Variants in ESYT1 observed in about 807,000 individuals in gnomAD.
ESYT1 encodes extended synaptotagmin-1.
ESYT1 carries 116 observed loss-of-function variants against 154.2 expected under a neutral mutation model. The observed-to-expected ratio is 0.75, with a 90% CI of 0.65 to 0.88. The LOEUF (loss-of-function observed/expected upper bound fraction) is 0.88, where lower values mean the gene tolerates loss of function less well. ESYT1 is among the 40% of genes least tolerant of loss of function. The pLI is 0.00. For missense variants in ESYT1, 1,264 were observed against 1,379.3 expected (o/e 0.92, Z 1.32); for synonymous variants, 500 against 539.9 (o/e 0.93, Z 1.02).
In ESYT1 at chr12:56,128,605, G is replaced by A. The variant is rs565622890; in HGVS notation, c.286G>A (p.Asp96Asn). ...CTACCTGGGCTGGCGCCGGGTCCGCGACGAGAAAGAACGGAGCCTTCGAGC... is the reference window on the plus strand; with the variant it reads ...CTACCTGGGCTGGCGCCGGGTCCGCAACGAGAAAGAACGGAGCCTTCGAGC... ...ALYLGWRRVR[D>N]EKERSLRAAR... The change falls in exon 1 of 31, where the codon GAC becomes AAC. Residue 96 changes from aspartate (D) to asparagine (N), a missense_variant. Coordinates refer to ENST00000394048, the MANE Select transcript of ESYT1 (RefSeq NM_015292.3). 4.3e-6 allele frequency: 7 copies of A among 1,614,164 alleles called. No individual in the cohort carries two copies. In the Admixed American group the frequency reaches 5.0e-5, roughly 12 times the overall value.
At position 56,143,577 on chromosome 12, in the gene ESYT1, C is replaced by G; in HGVS notation, c.3226-3C>G. On this transcript the variant is annotated splice_region_variant and splice_polypyrimidine_tract_variant and intron_variant, in intron 29 of 30. Coordinates refer to ENST00000394048, the MANE Select transcript of ESYT1 (RefSeq NM_015292.3). ...ATCTTTCCCCTATCATCTTCCAACA[C>G]AGGTGCAGCTGGACCTAGCTGAGAC... The G allele has an allele frequency of 6.2e-7, 1 of 1,614,148 alleles. No individual in the cohort carries two copies. The highest frequency in any genetic ancestry group is 8.5e-7 in the Non-Finnish European group (1 of 1,180,026).
In ESYT1 at chr12:56,137,329, C is replaced by A. The variant is rs780550661; in HGVS notation, c.1894C>A (p.Pro632Thr). The A allele has an allele frequency of 6.2e-7, 1 of 1,614,098 alleles. No homozygotes were observed. The highest frequency in any genetic ancestry group is 8.5e-7 in the Non-Finnish European group (1 of 1,180,048). ...PQRGSSVDAP[P>T]RPCHTTPDSQ... ...GAGAGGCAGCAGTGTGGATGCCCCACCTCGACCCTGTCACACGACTCCTGA... is the reference window on the plus strand; with the variant it reads ...GAGAGGCAGCAGTGTGGATGCCCCAACTCGACCCTGTCACACGACTCCTGA... The change falls in exon 17 of 31, where the codon CCT becomes ACT. Residue 632 changes from proline to threonine, a missense_variant. Coordinates refer to ENST00000394048, the MANE Select transcript of ESYT1 (RefSeq NM_015292.3).
At position 56,130,564 on chromosome 12, in the gene ESYT1, T is replaced by A. The variant is rs779248887; in HGVS notation, c.391-18T>A. The stretch of plus-strand genomic sequence containing the variant: ...AGGGTGTGCTGCACGTCACTGTCTC[T>A]GCCTTCCCCACCTCCAGGTCAGCTT... On this transcript the variant is annotated intron_variant, in intron 1 of 30. Coordinates refer to ENST00000394048, the MANE Select transcript of ESYT1 (RefSeq NM_015292.3). 6.2e-7 allele frequency: 1 copy of A among 1,613,454 alleles called. No homozygotes were observed. The highest frequency in any genetic ancestry group is 2.2e-5 in the East Asian group (1 of 44,886).
intron 1 of ESYT1, 129 bp downstream of exon 1, chr12:56,128,838 T>C: frequency 1.7e-6 from 2 of 1,167,588 alleles, no homozygotes; most frequent in Non-Finnish European, 2.4e-6. Flanking sequence ...TTCCCCTCTC[T>C]CCCCGCTAGC....
rs1322417005 is a variant in ESYT1 at position 56,132,443 on chromosome 12, T to C, written c.1007T>C (p.Leu336Pro). 1.2e-6 allele frequency: 2 copies of C among 1,614,204 alleles called. No individual in the cohort carries two copies. Among genetic ancestry groups the C allele is most frequent in the Admixed American group, 3.3e-5 (2 of 60,024 alleles). The stretch of plus-strand genomic sequence containing the variant: ...CAGGGCATTATTCGAATTCACCTGC[T>C]GGCTGCTCGAGGGCTGAGTTCCAAG... ...LPRGIIRIHL[L>P]AARGLSSKDK... The change falls in exon 9 of 31, where the codon CTG becomes CCG. Residue 336 changes from leucine to proline, a missense_variant. By Grantham distance (98) the Leu-to-Pro change is moderately conservative. Transcript: ENST00000394048.
At chr12:56,129,770 C>A (rs188308765) in intron 1 of ESYT1, among the ~76,000 whole-genome samples, 7 of 152,080 alleles carry the variant, frequency 4.6e-5, no homozygotes, top group Admixed American at 1.3e-4. Flanking sequence ...TAGAGGAAAA[C>A]ACACACACAC....
rs1268830867 is a variant in ESYT1, at chr12:56,130,856, T to G, written c.498T>G (p.Ala166=). Residue 166 remains alanine (A), a synonymous_variant, in exon 3 of 31, where the codon GCT becomes GCG. Transcript: ENST00000394048. ...AGAAGCTTCTGGCTGAAACTGTGGC[T>G]CCGGCTGTTAGGGGATCTAACCCCC... ...YMEKLLAETV[A]PAVRGSNPHL... is the part of the protein sequence containing the mutation. The G allele has an allele frequency of 6.2e-7, 1 of 1,614,052 alleles. No individual in the cohort carries two copies. The highest frequency in any genetic ancestry group is 8.5e-7 in the Non-Finnish European group (1 of 1,180,048).
rs1400299695 is a variant in ESYT1 at position 56,137,484 on chromosome 12, C to A, written c.1939-15C>A. 1 of 1,609,998 alleles carries A rather than the reference C, an allele frequency of 6.2e-7. No homozygotes were observed. The highest frequency in any genetic ancestry group is 1.1e-5 in the South Asian group (1 of 90,834). On this transcript the variant is annotated splice_polypyrimidine_tract_variant and intron_variant, in intron 17 of 30. Coordinates refer to ENST00000394048, the MANE Select transcript of ESYT1 (RefSeq NM_015292.3). ...TCTCCCTTTGCCATCTGGCACCCCC[C>A]CGTCCCTTTTGCAGCATGTGCTTCG...
At chr12:56,140,643 G>A (rs763473557) in intron 24 of ESYT1, among the ~76,000 whole-genome samples, 3 of 152,188 alleles carry the variant, frequency 2.0e-5, no homozygotes, top group East Asian at 1.9e-4. Context: ...AATTACAGGC[G>A]TCAGCCACCA....
chr12:56,133,614 C>T lies in ESYT1; in HGVS notation c.1320C>T (p.Gly440=). The change falls in exon 12 of 31, where the codon GGC becomes GGT. Residue 440 remains glycine, a synonymous_variant. Transcript: ENST00000394048. ...DDWFPLQGGQ[G]QVHLRLEWLS... is the part of the protein sequence containing the mutation. ...GGTTCCCTCTACAAGGTGGGCAAGG[C>T]CAAGTTCACTTGAGGCTAGAATGGC... 1.2e-6 allele frequency: 2 copies of T among 1,614,184 alleles called. No homozygotes were observed. Among genetic ancestry groups the T allele is most frequent in the Middle Eastern group, 1.6e-4 (1 of 6,062 alleles).
In ESYT1 at chr12:56,128,417, A is replaced by G; in HGVS notation, c.98A>G (p.Lys33Arg). 1 of 1,612,426 alleles carries G rather than the reference A, an allele frequency of 6.2e-7. No individual in the cohort carries two copies. The highest frequency in any genetic ancestry group is 8.5e-7 in the Non-Finnish European group (1 of 1,179,222). ...PTDQPPAAHA[K>R]PDPGSGGQPA... ...GACCAGCCCCCCGCTGCTCACGCAA[A>G]GCCAGACCCAGGTTCTGGGGGCCAA... Residue 33 changes from lysine to arginine, a missense_variant, in exon 1 of 31, where the codon AAG becomes AGG. Coordinates refer to ENST00000394048, the MANE Select transcript of ESYT1 (RefSeq NM_015292.3).
Position 56,140,732 on chromosome 12 carries a change from A to C in ESYT1, c.2593-1553A>C, listed in dbSNP as rs369005142. ...GGGAAGATCATAGGGATAAGAGGGT[A>C]AAGAATGGACTGGAGAGGGACAACA... is the stretch of plus-strand genomic sequence containing the variant. On this transcript the variant is annotated intron_variant, in intron 24 of 30. Coordinates refer to ENST00000394048, the MANE Select transcript of ESYT1 (RefSeq NM_015292.3). Among the ~76,000 whole-genome samples, 23 of 152,316 alleles carry C rather than the reference A, an allele frequency of 1.5e-4. 1 individual carries two copies. The East Asian group carries it at 3.7e-3, about 24-fold the overall frequency.
chr12:56,129,366 C>G (rs897144812), intron 1 of ESYT1: 2 of 156,080 alleles, frequency 1.3e-5, no homozygotes, highest in Non-Finnish European at 2.9e-5. Context: ...ACTCCTCGGC[C>G]GGCCACACCC....
chr12:56,130,664 TG>T, intron 2 of ESYT1, 41 bp downstream of exon 2: 1 of 1,613,836 alleles, frequency 6.2e-7, no homozygotes, highest in East Asian at 2.2e-5. Context: ...GAGGGGAGAA[TG>T]GGAATTTGTT....
At position 56,143,633 on chromosome 12, in the gene ESYT1, A is replaced by C; in HGVS notation, c.3275+4A>C. 1.9e-6 allele frequency: 3 copies of C among 1,613,372 alleles called. No individual in the cohort carries two copies. The highest frequency in any genetic ancestry group is 2.5e-6 in the Non-Finnish European group (3 of 1,179,782). The stretch of plus-strand genomic sequence containing the variant: ...TTTCCCAGGGTGTAGCCCGGTGGTG[A>C]GTGTCTGCGTGGGTGGGGGATGGTC... On this transcript the variant is annotated splice_donor_region_variant and intron_variant, in intron 30 of 30. Transcript: ENST00000394048.
intron 30 of ESYT1, 47 bp from the exon 31 acceptor site, chr12:56,143,776 T>C (rs769203680): frequency 6.2e-7 from 1 of 1,612,980 alleles, no homozygotes; most frequent in South Asian, 1.1e-5. Context: ...CATTTATAAA[T>C]ATGATGACAC....
At position 56,137,385 on chromosome 12, in the gene ESYT1, T is replaced by C; in HGVS notation, c.1938+12T>C. 6.2e-7 allele frequency: 1 copy of C among 1,614,146 alleles called. No homozygotes were observed. Among genetic ancestry groups the C allele is most frequent in the South Asian group, 1.1e-5 (1 of 91,076 alleles). On this transcript the variant is annotated intron_variant, in intron 17 of 30. Transcript: ENST00000394048. ...AGTTTGGGACTGAGGTGAGTCTATA[T>C]CTGGAAAGGACTAGGGTCTGTTTGC...
In ESYT1 at chr12:56,131,116, A is replaced by C; in HGVS notation, c.641+3A>C. 1 of 1,614,114 alleles carries C rather than the reference A, an allele frequency of 6.2e-7. No individual in the cohort carries two copies. The highest frequency in any genetic ancestry group is 8.5e-7 in the Non-Finnish European group (1 of 1,179,980). ...ATCCTGCTGGACTTGAACATCAGGT[A>C]ATACCACTCACCACTCTTACTGCTT... On this transcript the variant is annotated splice_donor_region_variant and intron_variant, in intron 4 of 30. Transcript: ENST00000394048.
Position 56,136,728 on chromosome 12 carries a change from C to T in ESYT1, c.1633-16C>T. 6.3e-7 allele frequency: 1 copy of T among 1,585,600 alleles called. No individual in the cohort carries two copies. Among genetic ancestry groups the T allele is most frequent in the East Asian group, 2.2e-5 (1 of 44,548 alleles). On this transcript the variant is annotated splice_polypyrimidine_tract_variant and intron_variant, in intron 15 of 30. Coordinates refer to ENST00000394048, the MANE Select transcript of ESYT1 (RefSeq NM_015292.3). Reference sequence around the variant, plus strand: ...CCCTAATCCCTTCACTACAGTCCTTCCTCCTGTGCCTGTAGGTGAAGGATG... The same window carrying T: ...CCCTAATCCCTTCACTACAGTCCTTTCTCCTGTGCCTGTAGGTGAAGGATG...
Sources: allele counts gnomAD v4.1 joint callset (sites outside exome capture counted in the v4.1 genomes callset), GRCh38; gene constraint gnomAD v4.1.1; transcripts MANE v1.5; gene names NCBI Gene and HGNC (gene_info 2026-07-23, HGNC 2026-07-21).